SIPA1L1: variants seen among roughly 807,000 people sequenced by gnomAD.
SIPA1L1 encodes the protein signal-induced proliferation-associated 1-like protein 1.
SIPA1L1 carries 26 observed loss-of-function variants against 162.7 expected under a neutral mutation model. The observed-to-expected ratio is 0.16, with a 90% confidence interval of 0.12 to 0.22. SIPA1L1 has a LOEUF of 0.22. Ranked by LOEUF, SIPA1L1 falls within the 10% of genes least tolerant of loss-of-function variation. SIPA1L1 has a pLI of 1.00. For missense variants in SIPA1L1, 1,874 were observed against 2,241.0 expected, an observed-to-expected ratio of 0.84 and a Z score of 3.31; for synonymous variants, 829 against 837.4, an observed-to-expected ratio of 0.99 and a Z score of 0.17.
intron 3 of SIPA1L1, among the ~76,000 whole-genome samples, chr14:71,515,697 T>A (rs1332884132): frequency 6.6e-6 from 1 of 152,184 alleles, no homozygotes; most frequent in Non-Finnish European, 1.5e-5. Flanking sequence ...CACGCTCTAC[T>A]GCAGTGGCGC....
intron 12 of SIPA1L1, among the ~76,000 whole-genome samples, chr14:71,679,778 C>G (rs1331721020): frequency 6.6e-6 from 1 of 152,056 alleles, no homozygotes; most frequent in African/African-American, 2.4e-5. Flanking sequence ...GCAGGGGTTG[C>G]AATCCTAGTC....
intron 2 of SIPA1L1, among the ~76,000 whole-genome samples, chr14:71,446,894 G>GGTTTTTTTTTTTTTT (rs2045394010): frequency 3.4e-5 from 3 of 87,406 alleles, no homozygotes; most frequent in African/African-American, 1.3e-4. Context: ...GATGGGCTCT[G>GGTTTTTTTTTTTTTT]TTTTTTTTTT....
chr14:71,471,031 G>C (rs1479018009), intron 2 of SIPA1L1, among the ~76,000 whole-genome samples: 2 of 151,928 alleles, frequency 1.3e-5, no homozygotes, highest in African/African-American at 4.8e-5. Context: ...TAATAGAGAC[G>C]GGTTTTCACT....
Position 71,738,178 on chromosome 14 carries a change from A to C in SIPA1L1, c.5124-63A>C, listed in dbSNP as rs990000775. On this transcript the variant is annotated intron_variant, in intron 22 of 23. Transcript: ENST00000381232. ...CCTCAGAGTAAAAAAAAAAAAAAAA[A>C]AAAAAAAACAAACCCAGCCATGGAG... 2.4e-4 allele frequency: 195 copies of C among 823,254 alleles called. 1 individual carries two copies. The East Asian group carries it at 5.0e-3, about 21-fold the overall frequency. 51.0% of individuals were successfully genotyped at this position (823,254 alleles called of 1,614,324 possible). A position where few individuals can be genotyped will look rare whatever the true frequency, so the allele number is the denominator to read the frequency against.
chr14:71,633,408 A>G (rs545757255), intron 7 of SIPA1L1, among the ~76,000 whole-genome samples: 213 of 152,222 alleles, frequency 1.4e-3, no homozygotes, highest in Non-Finnish European at 2.5e-3. Flanking sequence ...TCTTGACCTC[A>G]TGATCCTCCT....
intron 4 of SIPA1L1, among the ~76,000 whole-genome samples, chr14:71,547,362 C>T (rs746633274): frequency 2.2e-5 from 3 of 137,394 alleles, no homozygotes; most frequent in African/African-American, 8.2e-5. Flanking sequence ...GGCATGATCT[C>T]GGCTTACTGC....
At chr14:71,573,723 C>T in intron 4 of SIPA1L1, 1 of 456,642 alleles carries the variant, frequency 2.2e-6, no homozygotes. Context: ...TTTTTTTCTC[C>T]CCCTAAAATG....
intron 15 of SIPA1L1, chr14:71,704,731 T>C: frequency 1.9e-6 from 3 of 1,612,586 alleles, no homozygotes; most frequent in South Asian, 1.1e-5. Flanking sequence ...CTTACAGTTA[T>C]AGAGGACCTC....
intron 2 of SIPA1L1, among the ~76,000 whole-genome samples, chr14:71,502,255 A>AATATATATATATATATATATATAT (rs60241101): frequency 3.1e-5 from 3 of 97,552 alleles, no homozygotes; most frequent in African/African-American, 4.5e-5. Flanking sequence ...AAAAAAAAAA[A>AATATATATATATATATATATATAT]ATATATATAT....
At chr14:71,415,128 C>T (rs564848943) in intron 2 of SIPA1L1, among the ~76,000 whole-genome samples, 6 of 152,256 alleles carry the variant, frequency 3.9e-5, no homozygotes, top group East Asian at 3.9e-4. Context: ...CATCCTATAA[C>T]GGATGGTCAA....
chr14:71,381,974 A>G (rs1377932843), intron 2 of SIPA1L1, among the ~76,000 whole-genome samples: 1 of 151,874 alleles, frequency 6.6e-6, no homozygotes, highest in Non-Finnish European at 1.5e-5. Flanking sequence ...TTTTTTGTTT[A>G]AATTTTTGAG....
At chr14:71,464,343 C>T (rs925721505) in intron 2 of SIPA1L1, among the ~76,000 whole-genome samples, 2 of 152,134 alleles carry the variant, frequency 1.3e-5, no homozygotes, top group African/African-American at 4.8e-5. Context: ...CGAGCTGCAA[C>T]ATTAAAAGCA....
Position 71,356,243 on chromosome 14 carries a change from A to G in SIPA1L1, c.-465+35062A>G, listed in dbSNP as rs1427378193. ...TTTGCTTTCTTTTTTTAAATTCTAT[A>G]TTGGGAAGTGAGGTTTACACAGTAA... is the stretch of plus-strand genomic sequence containing the variant. On this transcript the variant is annotated intron_variant, in intron 2 of 23. Coordinates refer to ENST00000381232, the MANE Select transcript of SIPA1L1 (RefSeq NM_001386936.1). Among the ~76,000 whole-genome samples, 4 of 152,024 alleles carry G rather than the reference A, an allele frequency of 2.6e-5. No individual in the cohort carries two copies. The East Asian group carries it at 7.7e-4, about 29-fold the overall frequency.
chr14:71,403,877 G>T (rs967733855), intron 2 of SIPA1L1, among the ~76,000 whole-genome samples: 1 of 151,972 alleles, frequency 6.6e-6, no homozygotes, highest in Non-Finnish European at 1.5e-5. Context: ...TATGATCACT[G>T]TATTTCCTCC....
chr14:71,725,590 C>T (rs1206563948), intron 19 of SIPA1L1, among the ~76,000 whole-genome samples: 1 of 152,178 alleles, frequency 6.6e-6, no homozygotes, highest in African/African-American at 2.4e-5. Context: ...TTTGTGTACT[C>T]GTCTCAGCTT....
chr14:71,368,142 C>CTTTTTTTTTTTTTT (rs755238643), intron 2 of SIPA1L1, among the ~76,000 whole-genome samples: 2 of 115,182 alleles, frequency 1.7e-5, no homozygotes, highest in African/African-American at 3.3e-5. Context: ...TTGTGGTATT[C>CTTTTTTTTTTTTTT]TTTTTTTTTT....
At position 71,645,981 on chromosome 14, in the gene SIPA1L1, G is replaced by A. The variant is rs183305551; in HGVS notation, c.1819-4354G>A. On this transcript the variant is annotated intron_variant, in intron 7 of 23. Transcript: ENST00000381232. ...ATGTAAGAATTGAGTTGTTCTCATCGTTTGTTCTACCCCAGTGGCCGCTTT... is the reference window on the plus strand; with the variant it reads ...ATGTAAGAATTGAGTTGTTCTCATCATTTGTTCTACCCCAGTGGCCGCTTT... Among the ~76,000 whole-genome samples, 5 of 152,224 alleles carry A rather than the reference G, an allele frequency of 3.3e-5. No homozygotes were observed. The East Asian group carries it at 9.6e-4, about 29-fold the overall frequency.
At chr14:71,476,350 T>G (rs1019164730) in intron 2 of SIPA1L1, among the ~76,000 whole-genome samples, 1 of 152,220 alleles carries the variant, frequency 6.6e-6, no homozygotes, top group East Asian at 1.9e-4. Context: ...GCAAGAACTG[T>G]TGGGCTCTGT....
At chr14:71,341,989 T>G (rs2035705412) in intron 2 of SIPA1L1, among the ~76,000 whole-genome samples, 1 of 152,070 alleles carries the variant, frequency 6.6e-6, no homozygotes, top group Admixed American at 6.6e-5. Context: ...GTCTTTTCAG[T>G]AGAATGACTT....
Sources: allele counts gnomAD v4.1 joint callset (sites outside exome capture counted in the v4.1 genomes callset), GRCh38; gene constraint gnomAD v4.1.1; transcripts MANE v1.5; gene names NCBI Gene and HGNC (gene_info 2026-07-23, HGNC 2026-07-21).